Variants in SOX5 observed in about 807,000 individuals in gnomAD.
SOX5 encodes the protein transcription factor SOX-5.
Under a neutral mutation model 92.0 loss-of-function variants are expected in SOX5, and 9 were observed. That is an observed-to-expected ratio of 0.10 (90% CI 0.06 to 0.17). The LOEUF is 0.17. Among genes scored for constraint, SOX5 ranks in the 10% least tolerant of loss-of-function variants. SOX5 has a pLI of 1.00. For synonymous variants in SOX5, 344 were observed against 336.3 expected, an observed-to-expected ratio of 1.02 and a Z score of -0.25; for missense variants, 642 against 944.5, an observed-to-expected ratio of 0.68 and a Z score of 4.20.
intron 3 of SOX5, among the ~76,000 whole-genome samples, chr12:23,808,985 C>T (rs1401043270): frequency 6.6e-6 from 1 of 152,060 alleles, no homozygotes; most frequent in African/African-American, 2.4e-5. Flanking sequence ...TTTGCATATA[C>T]ACATCATATA....
At chr12:24,434,060 G>T (rs1389142311) in intron 1 of SOX5, among the ~76,000 whole-genome samples, 1 of 152,088 alleles carries the variant, frequency 6.6e-6, no homozygotes, top group Non-Finnish European at 1.5e-5. Flanking sequence ...TCAAGAGAGG[G>T]GAAAGTTTCC....
At chr12:23,784,839 G>A (rs1381752413) in intron 3 of SOX5, among the ~76,000 whole-genome samples, 1 of 152,146 alleles carries the variant, frequency 6.6e-6, no homozygotes, top group Admixed American at 6.5e-5. Context: ...CACTTTGAGA[G>A]GGTAAGGTGG....
At chr12:24,164,075 C>T (rs1380555053) in intron 4 of SOX5, among the ~76,000 whole-genome samples, 1 of 152,092 alleles carries the variant, frequency 6.6e-6, no homozygotes, top group African/African-American at 2.4e-5. Flanking sequence ...AAATAATCCT[C>T]TACTTATGGT....
chr12:23,657,273 G>A (rs184724433), intron 7 of SOX5, among the ~76,000 whole-genome samples: 14 of 152,170 alleles, frequency 9.2e-5, no homozygotes, highest in African/African-American at 2.6e-4. Context: ...AGATTATTAC[G>A]GAAGTAAAAA....
intron 1 of SOX5, among the ~76,000 whole-genome samples, chr12:24,414,629 C>T (rs1964695883): frequency 6.6e-6 from 1 of 152,030 alleles, no homozygotes; most frequent in African/African-American, 2.4e-5. Context: ...CATGTGATGA[C>T]GGACAGGAAA....
At chr12:24,126,585 C>G (rs1195642790) in intron 4 of SOX5, among the ~76,000 whole-genome samples, 2 of 152,198 alleles carry the variant, frequency 1.3e-5, no homozygotes, top group Non-Finnish European at 2.9e-5. Flanking sequence ...TCTATTCAGC[C>G]CATTAGCACC....
chr12:23,737,806 T>C (rs973222895), intron 5 of SOX5, among the ~76,000 whole-genome samples: 1 of 151,716 alleles, frequency 6.6e-6, no homozygotes, highest in African/African-American at 2.4e-5. Flanking sequence ...TCCCTCTTTC[T>C]GGAATACTCT....
intron 2 of SOX5, among the ~76,000 whole-genome samples, chr12:24,332,548 G>A (rs2140996221): frequency 6.6e-6 from 1 of 151,580 alleles, no homozygotes; most frequent in South Asian, 2.1e-4. Flanking sequence ...TAACATAACA[G>A]GCTAAAAATA....
chr12:24,511,577 C>T (rs953553713), intron 1 of SOX5, among the ~76,000 whole-genome samples: 1 of 152,208 alleles, frequency 6.6e-6, no homozygotes, highest in African/African-American at 2.4e-5. Flanking sequence ...ACTTCTGATT[C>T]TTATCATAAA....
chr12:24,228,828 G>T (rs1290551590), intron 3 of SOX5, among the ~76,000 whole-genome samples: 1 of 152,154 alleles, frequency 6.6e-6, no homozygotes, highest in African/African-American at 2.4e-5. Flanking sequence ...CTGGCTGCTG[G>T]CCTGCTGCAG....
intron 14 of SOX5, 104 bp from the exon 15 acceptor site, chr12:23,534,626 A>C (rs1327435007): frequency 7.0e-6 from 6 of 862,206 alleles, no homozygotes; most frequent in Non-Finnish European, 8.7e-6. Context: ...ATTCTAAGGT[A>C]CTAATTTTAT....
At chr12:24,082,398 C>A in intron 4 of SOX5, among the ~76,000 whole-genome samples, 1 of 46,686 alleles carries the variant, frequency 2.1e-5, no homozygotes, top group Non-Finnish European at 3.8e-5. Context: ...CTGCTCCTTT[C>A]GAAAAGAAAA....
chr12:23,845,901 T>C, intron 3 of SOX5, 82 bp downstream of exon 3: 1 of 1,177,866 alleles, frequency 8.5e-7, no homozygotes, highest in Non-Finnish European at 1.3e-6. Flanking sequence ...AGAGTATAAA[T>C]CAAAAAACAA....
chr12:24,011,995 G>A (rs1952997313), intron 4 of SOX5, among the ~76,000 whole-genome samples: 1 of 152,094 alleles, frequency 6.6e-6, no homozygotes, highest in African/African-American at 2.4e-5. Context: ...TTTTTCCCAG[G>A]ACTTCAAATT....
At chr12:24,008,762 G>A (rs1052989415) in intron 4 of SOX5, among the ~76,000 whole-genome samples, 12 of 152,120 alleles carry the variant, frequency 7.9e-5, no homozygotes, top group African/African-American at 2.7e-4. Flanking sequence ...ACTTAACAGG[G>A]TAGGTGGTAG....
chr12:23,965,622 T>G (rs1043168203), intron 4 of SOX5, among the ~76,000 whole-genome samples: 1 of 152,100 alleles, frequency 6.6e-6, no homozygotes, highest in Admixed American at 6.5e-5. Flanking sequence ...TTGTTTTTGT[T>G]GTTGGTTTGT....
intron 2 of SOX5, among the ~76,000 whole-genome samples, chr12:23,876,878 G>C (rs2096933214): frequency 6.6e-6 from 1 of 152,110 alleles, no homozygotes; most frequent in East Asian, 1.9e-4. Flanking sequence ...ATAATTCTCA[G>C]CAAACTAACA....
intron 8 of SOX5, among the ~76,000 whole-genome samples, chr12:23,617,991 A>G (rs1012398364): frequency 6.6e-6 from 1 of 152,030 alleles, no homozygotes; most frequent in East Asian, 1.9e-4. Flanking sequence ...ATGATGTATG[A>G]CCTATTCGAT....
intron 11 of SOX5, among the ~76,000 whole-genome samples, chr12:23,551,288 G>A (rs1381195573): frequency 1.3e-5 from 2 of 151,834 alleles, no homozygotes; most frequent in Admixed American, 1.3e-4. Context: ...TACTTATAAT[G>A]TCATAACGAT....
Sources: allele counts gnomAD v4.1 joint callset (sites outside exome capture counted in the v4.1 genomes callset), GRCh38; gene constraint gnomAD v4.1.1; transcripts MANE v1.5; gene names NCBI Gene and HGNC (gene_info 2026-07-23, HGNC 2026-07-21).